Variants in SLC2A13 observed in about 807,000 individuals in gnomAD.
SLC2A13 encodes proton myo-inositol cotransporter.
Under a neutral mutation model 64.4 loss-of-function variants are expected in SLC2A13, and 32 were observed. The observed-to-expected ratio is 0.50, with a 90% CI of 0.37 to 0.67. The LOEUF (loss-of-function observed/expected upper bound fraction) is 0.67. Ranked by LOEUF, SLC2A13 falls within the 30% of genes least tolerant of loss-of-function variation. The pLI, the probability that SLC2A13 is intolerant of heterozygous loss-of-function variation, is 0.00. For synonymous variants in SLC2A13, 338 were observed against 327.1 expected, an observed-to-expected ratio of 1.03 and a Z score of -0.36; for missense variants, 743 against 829.2, an observed-to-expected ratio of 0.90 and a Z score of 1.28.
Position 39,936,453 on chromosome 12 carries a change from A to G in SLC2A13, c.1034+14804T>C, listed in dbSNP as rs574976021. Among the ~76,000 whole-genome samples the G allele has an allele frequency of 8.5e-5, 13 of 152,320 alleles. No homozygotes were observed. In the South Asian group the frequency reaches 2.5e-3, roughly 29 times the overall value. On this transcript the variant is annotated intron_variant, in intron 4 of 9. Coordinates refer to ENST00000280871, the MANE Select transcript of SLC2A13 (RefSeq NM_052885.4). Reference sequence around the variant, plus strand: ...AAAAACCTTGGGCACACAGAAGCTGAGCAAGTGACTCTCTAGTTTCTGATT... The same window carrying G: ...AAAAACCTTGGGCACACAGAAGCTGGGCAAGTGACTCTCTAGTTTCTGATT...
In SLC2A13 at chr12:39,925,193, G is replaced by A. The variant is rs116101579; in HGVS notation, c.1034+26064C>T. Among the ~76,000 whole-genome samples, 951 of 151,808 alleles carry A rather than the reference G, an allele frequency of 6.3e-3. 7 individuals are homozygous for A. Among genetic ancestry groups the A allele is most frequent in the African/African-American group, 0.021 (869 of 41,414 alleles). On this transcript the variant is annotated intron_variant, in intron 4 of 9. Coordinates refer to ENST00000280871, the MANE Select transcript of SLC2A13 (RefSeq NM_052885.4). ...GACTATGGGGTACACCATCATGCCC[G>A]GCTAATTTTGTACTTTTTTTCTGTA...
intron 7 of SLC2A13, among the ~76,000 whole-genome samples, chr12:39,821,592 G>T (rs889091311): frequency 9.9e-5 from 15 of 152,160 alleles, no homozygotes; most frequent in African/African-American, 1.7e-4. Context: ...TTATGCTTCT[G>T]TTCCACATTT....
chr12:40,070,496 T>A (rs181035445), intron 1 of SLC2A13, among the ~76,000 whole-genome samples: 1 of 152,230 alleles, frequency 6.6e-6, no homozygotes, highest in East Asian at 1.9e-4. Context: ...CAAAAAGCAT[T>A]CTGGTCCTTT....
intron 4 of SLC2A13, among the ~76,000 whole-genome samples, chr12:39,901,956 T>G (rs564045467): frequency 3.3e-5 from 5 of 152,008 alleles, no homozygotes; most frequent in Admixed American, 2.0e-4. Context: ...TGTCCATCAA[T>G]GATAGACTGG....
intron 6 of SLC2A13, among the ~76,000 whole-genome samples, chr12:39,852,348 T>A (rs1943491891): frequency 6.6e-6 from 1 of 152,230 alleles, no homozygotes; most frequent in Non-Finnish European, 1.5e-5. Context: ...TAATCAGTTG[T>A]AAGACTAAAA....
intron 4 of SLC2A13, among the ~76,000 whole-genome samples, chr12:39,884,580 G>C (rs911708803): frequency 6.6e-6 from 1 of 152,150 alleles, no homozygotes; most frequent in African/African-American, 2.4e-5. Flanking sequence ...CTATGTGCCA[G>C]ATGTAGCAGA....
intron 4 of SLC2A13, among the ~76,000 whole-genome samples, chr12:39,905,288 T>C (rs538658404): frequency 5.9e-5 from 9 of 152,268 alleles, no homozygotes; most frequent in African/African-American, 2.2e-4. Context: ...CTTGCTGCTC[T>C]GGCTGCTCTC....
intron 3 of SLC2A13, among the ~76,000 whole-genome samples, chr12:39,960,943 C>T (rs1946401724): frequency 6.6e-6 from 1 of 151,668 alleles, no homozygotes; most frequent in Admixed American, 6.6e-5. Flanking sequence ...GATGGGGTTT[C>T]ACCACGTTGG....
intron 4 of SLC2A13, among the ~76,000 whole-genome samples, chr12:39,899,571 T>C (rs959350107): frequency 6.6e-6 from 1 of 152,180 alleles, no homozygotes; most frequent in African/African-American, 2.4e-5. Context: ...AATTGTGATG[T>C]TAGGGTGTCA....
intron 3 of SLC2A13, among the ~76,000 whole-genome samples, chr12:40,012,310 G>A (rs533220893): frequency 2.6e-5 from 4 of 152,154 alleles, no homozygotes; most frequent in African/African-American, 7.2e-5. Context: ...TCTGTCTCCT[G>A]TCTTTGAATG....
At chr12:39,954,308 G>A (rs1459321442) in intron 3 of SLC2A13, among the ~76,000 whole-genome samples, 2 of 152,070 alleles carry the variant, frequency 1.3e-5, no homozygotes, top group Non-Finnish European at 2.9e-5. Context: ...GATGCCAAGG[G>A]GGCTAGAATT....
intron 6 of SLC2A13, among the ~76,000 whole-genome samples, chr12:39,860,591 C>G (rs1943734012): frequency 6.6e-6 from 1 of 152,188 alleles, no homozygotes; most frequent in Non-Finnish European, 1.5e-5. Context: ...TCCAAAATTG[C>G]ACGCATGGTC....
At chr12:39,854,208 G>A (rs895154241) in intron 6 of SLC2A13, among the ~76,000 whole-genome samples, 5 of 151,894 alleles carry the variant, frequency 3.3e-5, no homozygotes, top group Non-Finnish European at 5.9e-5. Flanking sequence ...GATATAATCC[G>A]TCTGATCCTT....
intron 5 of SLC2A13, among the ~76,000 whole-genome samples, chr12:39,867,425 C>G (rs1434444324): frequency 1.3e-5 from 2 of 151,656 alleles, no homozygotes; most frequent in Non-Finnish European, 2.9e-5. Flanking sequence ...GGCCACCATA[C>G]TATACATTTT....
At chr12:39,972,012 ATATTTTTTTT>A (rs1946660758) in intron 3 of SLC2A13, among the ~76,000 whole-genome samples, 1 of 14,972 alleles carries the variant, frequency 6.7e-5, no homozygotes, top group Non-Finnish European at 1.7e-4. Context: ...ATATATATAT[ATATTTTTTTT>A]TATATAAATA....
chr12:39,985,547 T>TTAGGAATTCAGTGCA (rs1205439799), intron 3 of SLC2A13, among the ~76,000 whole-genome samples: 2 of 152,090 alleles, frequency 1.3e-5, no homozygotes, highest in African/African-American at 4.8e-5. Context: ...AAAAATAAAG[T>TTAGGAATTCAGTGCA]TAGGAATTCA....
intron 3 of SLC2A13, among the ~76,000 whole-genome samples, chr12:39,971,122 T>C (rs1212916047): frequency 6.6e-6 from 1 of 152,152 alleles, no homozygotes; most frequent in Non-Finnish European, 1.5e-5. Context: ...TCCTATTTTA[T>C]AATTTATATT....
chr12:40,069,031 G>A (rs1399209359), intron 1 of SLC2A13, among the ~76,000 whole-genome samples: 2 of 151,954 alleles, frequency 1.3e-5, no homozygotes, highest in African/African-American at 4.8e-5. Flanking sequence ...AGACAGTCTT[G>A]CATACATTTA....
At position 39,761,685 on chromosome 12, in the gene SLC2A13, A is replaced by G. The variant is rs575319272; in HGVS notation, c.1721-1433T>C. On this transcript the variant is annotated intron_variant, in intron 9 of 9. Coordinates refer to ENST00000280871, the MANE Select transcript of SLC2A13 (RefSeq NM_052885.4). ...TGTGTTCTGAGTACAGATATGCAAGACTGTGGAGGTAGGAAGAGAAATGGA... is the reference window on the plus strand; with the variant it reads ...TGTGTTCTGAGTACAGATATGCAAGGCTGTGGAGGTAGGAAGAGAAATGGA... Among the ~76,000 whole-genome samples, 6 of 152,118 alleles carry G rather than the reference A, an allele frequency of 3.9e-5. No individual in the cohort carries two copies. In the South Asian group the frequency reaches 1.2e-3, roughly 32 times the overall value.
Sources: allele counts gnomAD v4.1 joint callset (sites outside exome capture counted in the v4.1 genomes callset), GRCh38; gene constraint gnomAD v4.1.1; transcripts MANE v1.5; gene names NCBI Gene and HGNC (gene_info 2026-07-23, HGNC 2026-07-21).